MAP4: variants seen among roughly 807,000 people sequenced by gnomAD.
The protein encoded by MAP4 is microtubule-associated protein 4.
In MAP4, 76 loss-of-function variants were observed where a neutral mutation model predicts 170.2. That is an observed-to-expected ratio of 0.45 (90% confidence interval 0.37 to 0.54). MAP4 has a LOEUF of 0.54. MAP4 is among the 20% of genes least tolerant of loss of function. The pLI, the probability that MAP4 is intolerant of heterozygous loss-of-function variation, is 0.00. For missense variants in MAP4, 2,506 were observed against 2,748.0 expected (o/e 0.91, Z 1.97); for synonymous variants, 909 against 994.5 (o/e 0.91, Z 1.62).
chr3:47,932,494 C>T (rs2100050447), intron 3 of MAP4, among the ~76,000 whole-genome samples: 1 of 152,168 alleles, frequency 6.6e-6, no homozygotes, highest in African/African-American at 2.4e-5. Context: ...TTTTGAGACA[C>T]TGCCAAACTG....
intron 1 of MAP4, among the ~76,000 whole-genome samples, chr3:48,047,428 G>A (rs560527511): frequency 2.6e-5 from 4 of 152,166 alleles, no homozygotes; most frequent in East Asian, 3.9e-4. Flanking sequence ...GTAGGGTAGA[G>A]CAAGCAGAGC....
intron 4 of MAP4, among the ~76,000 whole-genome samples, chr3:47,923,499 C>T (rs1197493678): frequency 2.0e-5 from 3 of 151,266 alleles, no homozygotes; most frequent in East Asian, 1.9e-4. Flanking sequence ...TCTTCTTGAG[C>T]CCAGGGGTTC....
In MAP4 at chr3:47,911,160, A is replaced by C; in HGVS notation, c.3261T>G (p.Leu1087=). The C allele has an allele frequency of 6.5e-7, 1 of 1,536,070 alleles. No individual in the cohort carries two copies. Among genetic ancestry groups the C allele is most frequent in the Non-Finnish European group, 8.7e-7 (1 of 1,146,886 alleles). The stretch of plus-strand genomic sequence containing the variant: ...CCCTTCCGTCCTTCTGGCTGTCCAG[A>C]AGAAATGGCAGCTCAGATTTTGCTT... ...KVKAKSELPF[L]LDSQKDGRAV... The change falls in exon 9 of 21, where the codon CTT becomes CTG. Residue 1087 remains leucine (L), a synonymous_variant. Transcript: ENST00000683076. The surrounding 1 kb of genome is among the most constrained non-coding windows in gnomAD (Gnocchi z 4.0).
At chr3:47,965,851 C>A (rs989952773) in intron 3 of MAP4, among the ~76,000 whole-genome samples, 44 of 152,120 alleles carry the variant, frequency 2.9e-4, no homozygotes, top group African/African-American at 1.0e-3. Context: ...TTTCACTCTA[C>A]AGAGATAGAC....
intron 2 of MAP4, among the ~76,000 whole-genome samples, chr3:47,984,842 A>T (rs1195502856): frequency 2.0e-5 from 3 of 151,720 alleles, no homozygotes; most frequent in African/African-American, 7.3e-5. Flanking sequence ...GGTGGCACGC[A>T]CCTGTAATCC....
rs535162022 is a variant in MAP4 at position 47,975,136 on chromosome 3, T to TA, written c.292+2728dup. On this transcript the variant is annotated intron_variant, in intron 3 of 20. Transcript: ENST00000683076. Reference sequence around the variant, plus strand: ...AAAAATGTGAGAATGAATCAAATGATAAAATCATAAAGAAAACAAGAAATA... The same window carrying TA: ...AAAAATGTGAGAATGAATCAAATGATAAAAATCATAAAGAAAACAAGAAATA... 220 of 1,110,336 alleles carry TA rather than the reference T, an allele frequency of 2.0e-4. No homozygotes were observed. In the African/African-American group the frequency reaches 3.3e-3, roughly 17 times the overall value. The allele number at this position is 1,110,336 out of a possible 1,614,324, so 68.8% of individuals were successfully genotyped here.
rs1412719793 is a variant in MAP4 at position 47,973,285 on chromosome 3, G to A, written c.292+4580C>T. On this transcript the variant is annotated intron_variant, in intron 3 of 20. Transcript: ENST00000683076. ...AAGGAAAAAAAAAGAGAGAGAGAAA[G>A]AGAAAGAAGGCATATGAAAATCATC... 1.2e-5 allele frequency: 12 copies of A among 978,416 alleles called. No homozygotes were observed. In the Admixed American group the frequency reaches 6.8e-4, roughly 55 times the overall value. 60.6% of individuals were successfully genotyped at this position (978,416 alleles called of 1,614,324 possible).
rs115954867 is a variant in MAP4, at chr3:48,027,885, C to T, written c.-19-29006G>A. On this transcript the variant is annotated intron_variant, in intron 1 of 18. Transcript: ENST00000360240. ...ATCAGGCCATGACTATGTATTTCCA[C>T]TTAGCAACAATATACTGGAGCTGAG... 3.7e-3 allele frequency among the ~76,000 whole-genome samples: 570 copies of T among 152,310 alleles called. 4 individuals are homozygous for T. The highest frequency in any genetic ancestry group is 0.013 in the African/African-American group (534 of 41,574).
chr3:47,885,950 G>A lies in MAP4; in HGVS notation c.5435-8427C>T, dbSNP rs369350661. ...TCGCTGTGTTAGCCAGGATGGTCTC[G>A]ATCTCCTGACCTCATGATCCGCCCG... On this transcript the variant is annotated intron_variant, in intron 10 of 20. Coordinates refer to ENST00000683076, the MANE Select transcript of MAP4 (RefSeq NM_001385682.1). 5.3e-5 allele frequency among the ~76,000 whole-genome samples: 8 copies of A among 152,188 alleles called. No homozygotes were observed. The East Asian group carries it at 1.2e-3, about 22-fold the overall frequency.
intron 2 of MAP4, among the ~76,000 whole-genome samples, chr3:47,981,925 C>A (rs1425658074): frequency 6.6e-6 from 1 of 151,832 alleles, no homozygotes; most frequent in Non-Finnish European, 1.5e-5. Context: ...AATAACAGAC[C>A]CCATCATCTC....
intron 9 of MAP4, 80 bp downstream of exon 9, chr3:47,908,958 G>A: frequency 7.0e-7 from 1 of 1,419,178 alleles, no homozygotes; most frequent in East Asian, 2.3e-5. Context: ...TCTGGATGGA[G>A]CCAAGACACA....
chr3:47,960,928 C>G (rs542909736), intron 3 of MAP4: 2 of 160,878 alleles, frequency 1.2e-5, no homozygotes, highest in African/African-American at 4.8e-5. Flanking sequence ...TTTCTAGACT[C>G]TTTCACCTTT....
At chr3:47,906,639 T>C (rs2100033200) in intron 9 of MAP4, among the ~76,000 whole-genome samples, 1 of 150,534 alleles carries the variant, frequency 6.6e-6, no homozygotes, top group African/African-American at 2.4e-5. Context: ...ACTGAGATCA[T>C]GCCATTGCAC....
intron 3 of MAP4, among the ~76,000 whole-genome samples, chr3:47,962,857 A>G (rs2100072487): frequency 6.6e-6 from 1 of 152,240 alleles, no homozygotes; most frequent in Admixed American, 6.5e-5. Flanking sequence ...AAAACTGAAG[A>G]CCAGAAATAT....
At chr3:48,086,139 T>A (rs1455234975) in intron 1 of MAP4, among the ~76,000 whole-genome samples, 1 of 151,416 alleles carries the variant, frequency 6.6e-6, no homozygotes, top group Non-Finnish European at 1.5e-5. Flanking sequence ...TGTGTGCACG[T>A]ATATACACAC....
chr3:47,939,920 T>G (rs551307941), intron 3 of MAP4, among the ~76,000 whole-genome samples: 1 of 152,136 alleles, frequency 6.6e-6, no homozygotes, highest in Non-Finnish European at 1.5e-5. Context: ...CTCCACTCAC[T>G]GCAACCTCCC....
At chr3:48,007,602 C>T (rs1559782553) in intron 1 of MAP4, among the ~76,000 whole-genome samples, 1 of 151,774 alleles carries the variant, frequency 6.6e-6, no homozygotes. Flanking sequence ...GGCAGGCTCC[C>T]ATAGGTGAAT....
intron 1 of MAP4, among the ~76,000 whole-genome samples, chr3:48,050,751 A>G (rs1206400163): frequency 6.6e-6 from 1 of 151,986 alleles, no homozygotes. Context: ...CTGAAACTAC[A>G]AAACTTAGCT....
At chr3:47,871,616 C>A (rs1314507558) in intron 13 of MAP4, among the ~76,000 whole-genome samples, 1 of 152,178 alleles carries the variant, frequency 6.6e-6, no homozygotes, top group African/African-American at 2.4e-5. Context: ...GCACCACGTG[C>A]TAGGTGCTGT....
Sources: allele counts gnomAD v4.1 joint callset (sites outside exome capture counted in the v4.1 genomes callset), GRCh38; gene constraint gnomAD v4.1.1; non-coding constraint Gnocchi (gnomAD v3.1); transcripts MANE v1.5; gene names NCBI Gene and HGNC (gene_info 2026-07-23, HGNC 2026-07-21).